MYO10: variants seen among roughly 807,000 people sequenced by gnomAD.
The protein encoded by MYO10 is myosin X.
Under a neutral mutation model 257.3 loss-of-function variants are expected in MYO10, and 133 were observed. That is an observed-to-expected ratio of 0.52 (90% CI 0.45 to 0.60). MYO10 has a LOEUF of 0.60. Among genes scored for constraint, MYO10 ranks in the 20% least tolerant of loss-of-function variants. The pLI is 0.00. For missense variants in MYO10, 2,399 were observed against 2,635.7 expected (o/e 0.91, Z 1.97); for synonymous variants, 1,104 against 1,028.6 (o/e 1.07, Z -1.40).
intron 19 of MYO10, among the ~76,000 whole-genome samples, chr5:16,735,768 T>G (rs975706261): frequency 6.6e-6 from 1 of 151,772 alleles, no homozygotes; most frequent in African/African-American, 2.4e-5. Context: ...AAATCCTCCC[T>G]GTCTGTCTCC....
In MYO10 at chr5:16,802,689, T is replaced by TA. The variant is rs1190048573; in HGVS notation, c.280-7857dup. Among the ~76,000 whole-genome samples the TA allele has an allele frequency of 5.5e-3, 806 of 146,182 alleles. 10 individuals are homozygous for TA. Among genetic ancestry groups the TA allele is most frequent in the African/African-American group, 0.019 (757 of 39,854 alleles). ...AAAAAAAAAAGAAAGAAAGAAAAAT[T>TA]AAAAAAAATAAGTAATGCTGGGAAT... On this transcript the variant is annotated intron_variant, in intron 3 of 40. Coordinates refer to ENST00000513610, the MANE Select transcript of MYO10 (RefSeq NM_012334.3).
At position 16,891,043 on chromosome 5, in the gene MYO10, G is replaced by A. The variant is rs563700904; in HGVS notation, c.22-13336C>T. ...CACATCTGTAATCCCAGTACTTTGGGAGGCCGATACAGGCGGATCACATGA... is the reference window on the plus strand; with the variant it reads ...CACATCTGTAATCCCAGTACTTTGGAAGGCCGATACAGGCGGATCACATGA... On this transcript the variant is annotated intron_variant, in intron 1 of 40. Coordinates refer to ENST00000513610, the MANE Select transcript of MYO10 (RefSeq NM_012334.3). Among the ~76,000 whole-genome samples, 26 of 151,878 alleles carry A rather than the reference G, an allele frequency of 1.7e-4. No individual in the cohort carries two copies. In the East Asian group the frequency reaches 3.7e-3, roughly 21 times the overall value.
intron 15 of MYO10, 84 bp downstream of exon 15, chr5:16,762,461 C>G: frequency 9.2e-7 from 1 of 1,085,118 alleles, no homozygotes. Context: ...ACAGTTGGGC[C>G]AGCGGACTGA....
chr5:16,684,868 G>A (rs541255581), intron 29 of MYO10, among the ~76,000 whole-genome samples: 1 of 152,128 alleles, frequency 6.6e-6, no homozygotes, highest in Non-Finnish European at 1.5e-5. Context: ...GCAACATAGT[G>A]AAACCCTGTT....
At chr5:16,885,831 G>A (rs961929094) in intron 1 of MYO10, among the ~76,000 whole-genome samples, 5 of 152,106 alleles carry the variant, frequency 3.3e-5, no homozygotes, top group Non-Finnish European at 7.3e-5. Context: ...AGGGGAAGGT[G>A]AAATCTAAGA....
rs114324313 is a variant in MYO10 at position 16,773,515 on chromosome 5, C to T, written c.931-4312G>A. Among the ~76,000 whole-genome samples, 717 of 151,838 alleles carry T rather than the reference C, an allele frequency of 4.7e-3. 2 individuals carry two copies. The highest frequency in any genetic ancestry group is 0.017 in the Middle Eastern group (5 of 294). On this transcript the variant is annotated intron_variant, in intron 9 of 40. Coordinates refer to ENST00000513610, the MANE Select transcript of MYO10 (RefSeq NM_012334.3). ...CCATTTCTAAAAAAAATTAAAAATT[C>T]GCCTAGTGTGCTGGCATACACCTGT...
In MYO10 at chr5:16,670,612, C is replaced by T. The variant is rs1363056849; in HGVS notation, c.5797G>A (p.Gly1933Arg). ...GCCATGGCCTGTTCCTGGTTCATTCCCTGAAATTTCCTCCACTTGTCAATG... is the reference window on the plus strand; with the variant it reads ...GCCATGGCCTGTTCCTGGTTCATTCTCTGAAATTTCCTCCACTTGTCAATG... ...SIIDKWRKFQ[G>R]MNQEQAMAKY... Residue 1933 changes from glycine (G) to arginine (R), a missense_variant, in exon 39 of 41, where the codon GGA becomes AGA. Around this residue, in one of 3 missense-constraint regions of MYO10, gnomAD observed 1,820 missense variants for 1,939.4 expected, o/e 0.94. Transcript: ENST00000513610. The T allele has an allele frequency of 6.2e-7, 1 of 1,613,882 alleles. No homozygotes were observed. The highest frequency in any genetic ancestry group is 8.5e-7 in the Non-Finnish European group (1 of 1,179,900).
chr5:16,877,783 T>C (rs1744648726), intron 1 of MYO10, 76 bp from the exon 2 acceptor site: 6 of 1,057,660 alleles, frequency 5.7e-6, no homozygotes, highest in Non-Finnish European at 8.5e-6. Context: ...GAAATTACCC[T>C]AACTCCTATA....
chr5:16,824,260 G>C (rs1377673723), intron 2 of MYO10, among the ~76,000 whole-genome samples: 1 of 151,470 alleles, frequency 6.6e-6, no homozygotes, highest in African/African-American at 2.5e-5. Flanking sequence ...TCTCACACTA[G>C]CTTGGCTTTT....
chr5:16,674,523 T>C (rs26746), intron 35 of MYO10, among the ~76,000 whole-genome samples: 52,020 of 151,586 alleles, frequency 0.34, 9,062 homozygotes, highest in South Asian at 0.42. Flanking sequence ...AAATCTCAAT[T>C]AGATTGTTTC....
At chr5:16,793,301 T>C (rs1010177398) in intron 4 of MYO10, among the ~76,000 whole-genome samples, 1 of 152,178 alleles carries the variant, frequency 6.6e-6, no homozygotes, top group Non-Finnish European at 1.5e-5. Context: ...TCAATTTGAA[T>C]GTTAATAATA....
chr5:16,934,368 A>G (rs1746376126), intron 1 of MYO10, among the ~76,000 whole-genome samples: 1 of 152,248 alleles, frequency 6.6e-6, no homozygotes, highest in South Asian at 2.1e-4. Flanking sequence ...CCAGAACACA[A>G]AAACAACAAA....
intron 3 of MYO10, among the ~76,000 whole-genome samples, chr5:16,803,797 T>C (rs559409958): frequency 1.3e-5 from 2 of 152,334 alleles, no homozygotes; most frequent in South Asian, 4.2e-4. Flanking sequence ...CCTCATTGTA[T>C]AAAAATTACT....
At chr5:16,819,146 T>C (rs554494994) in intron 2 of MYO10, among the ~76,000 whole-genome samples, 32 of 152,342 alleles carry the variant, frequency 2.1e-4, no homozygotes, top group African/African-American at 5.5e-4. Flanking sequence ...CCAGGATATA[T>C]AGCATTTGTG....
In MYO10 at chr5:16,666,461, A is replaced by G; in HGVS notation, c.*231T>C. The G allele has an allele frequency of 2.2e-6, 1 of 452,996 alleles. No individual in the cohort carries two copies. Among genetic ancestry groups the G allele is most frequent in the Non-Finnish European group, 3.9e-6 (1 of 257,128 alleles). The allele number at this position is 452,996 out of a possible 1,614,324, so 28.1% of individuals were successfully genotyped here. A position where few individuals can be genotyped will look rare whatever the true frequency, so the allele number is the denominator to read the frequency against. Reference sequence around the variant, plus strand: ...CCTTTTTTAAGGCATGTGTCCTCTAAGAGTAGTAAAGCTTTGGAAACTGTG... The same window carrying G: ...CCTTTTTTAAGGCATGTGTCCTCTAGGAGTAGTAAAGCTTTGGAAACTGTG... On this transcript the variant is annotated 3_prime_UTR_variant, in exon 41 of 41. Transcript: ENST00000513610.
chr5:16,823,088 A>C (rs1015462179), intron 2 of MYO10, among the ~76,000 whole-genome samples: 1 of 151,986 alleles, frequency 6.6e-6, no homozygotes, highest in Non-Finnish European at 1.5e-5. Flanking sequence ...TATGTGCAAC[A>C]ATTAGCAGGG....
intron 25 of MYO10, among the ~76,000 whole-genome samples, 163 bp downstream of exon 25, chr5:16,700,800 T>C (rs1023418107): frequency 5.3e-5 from 8 of 152,228 alleles, no homozygotes; most frequent in East Asian, 3.8e-4. Context: ...ATGAATGCAA[T>C]TGGCTTATGG....
intron 9 of MYO10, among the ~76,000 whole-genome samples, chr5:16,773,402 T>C (rs1741115137): frequency 1.3e-5 from 2 of 152,182 alleles, no homozygotes; most frequent in African/African-American, 4.8e-5. Flanking sequence ...TTTTTCCCTT[T>C]CTATGATTAA....
chr5:16,700,503 C>T (rs916439321), intron 25 of MYO10, among the ~76,000 whole-genome samples: 4 of 152,046 alleles, frequency 2.6e-5, no homozygotes, highest in African/African-American at 9.7e-5. Flanking sequence ...ATGGTAAAAC[C>T]CCATCTCTAC....
Sources: allele counts gnomAD v4.1 joint callset (sites outside exome capture counted in the v4.1 genomes callset), GRCh38; gene constraint gnomAD v4.1.1; regional missense constraint gnomAD v4.1.1; transcripts MANE v1.5; gene names NCBI Gene and HGNC (gene_info 2026-07-23, HGNC 2026-07-21).